The following PRKCB variants were observed in gnomAD, a reference collection of about 807,000 sequenced individuals.
PRKCB encodes protein kinase C beta type.
PRKCB carries 13 observed loss-of-function variants against 81.5 expected under a neutral mutation model. The observed-to-expected ratio is 0.16, with a 90% CI of 0.10 to 0.25. The LOEUF (loss-of-function observed/expected upper bound fraction) is 0.25, where lower values mean the gene tolerates loss of function less well. PRKCB is among the 10% of genes least tolerant of loss of function. The probability of loss-of-function intolerance (pLI) is 1.00; values close to 1 mark genes in which losing one functional copy is unlikely to be tolerated. For synonymous variants in PRKCB, 335 were observed against 321.4 expected, an observed-to-expected ratio of 1.04 and a Z score of -0.45; for missense variants, 509 against 875.7, an observed-to-expected ratio of 0.58 and a Z score of 5.29.
chr16:24,183,705 A>T (rs1436893745), intron 13 of PRKCB, among the ~76,000 whole-genome samples: 1 of 152,244 alleles, frequency 6.6e-6, no homozygotes, highest in East Asian at 1.9e-4. Flanking sequence ...TAGAGATTAT[A>T]GAAGTTAAGT....
At chr16:24,009,602 TA>T (rs898834103) in intron 3 of PRKCB, among the ~76,000 whole-genome samples, 16 of 150,966 alleles carry the variant, frequency 1.1e-4, no homozygotes, top group African/African-American at 3.7e-4. Context: ...TTTTTTTTTT[TA>T]AAAAAGACAA....
intron 9 of PRKCB, among the ~76,000 whole-genome samples, chr16:24,140,740 T>C (rs1438762026): frequency 2.0e-5 from 3 of 152,304 alleles, no homozygotes; most frequent in South Asian, 2.1e-4. Context: ...GTGGGAGTAA[T>C]TGGGAAAGTT....
At chr16:23,845,516 C>T (rs1962352684) in intron 2 of PRKCB, among the ~76,000 whole-genome samples, 1 of 152,134 alleles carries the variant, frequency 6.6e-6, no homozygotes, top group Non-Finnish European at 1.5e-5. Context: ...GGCAGTGGCT[C>T]ATGTCTGTAA....
chr16:23,912,419 G>A (rs1470360230), intron 2 of PRKCB, among the ~76,000 whole-genome samples: 7 of 151,174 alleles, frequency 4.6e-5, no homozygotes, highest in Admixed American at 2.6e-4. Context: ...GGTCAGCCCC[G>A]TGTCCTGATG....
At chr16:23,953,886 A>C (rs1964314527) in intron 2 of PRKCB, among the ~76,000 whole-genome samples, 1 of 23,724 alleles carries the variant, frequency 4.2e-5, no homozygotes, top group African/African-American at 1.8e-4. Context: ...GAAGGCATCC[A>C]TCTTTTTTTT....
At chr16:24,087,302 C>G (rs1485534737) in intron 5 of PRKCB, among the ~76,000 whole-genome samples, 1 of 152,272 alleles carries the variant, frequency 6.6e-6, no homozygotes, top group Non-Finnish European at 1.5e-5. Flanking sequence ...CTTTTTTCAA[C>G]GTGCTTCATC....
intron 5 of PRKCB, among the ~76,000 whole-genome samples, chr16:24,084,797 C>A (rs1387669456): frequency 6.6e-6 from 1 of 152,106 alleles, no homozygotes; most frequent in Non-Finnish European, 1.5e-5. Context: ...GAATTGAAAT[C>A]TTGAAATTGC....
intron 5 of PRKCB, among the ~76,000 whole-genome samples, chr16:24,036,143 A>T (rs1237462753): frequency 6.6e-6 from 1 of 151,948 alleles, no homozygotes; most frequent in Non-Finnish European, 1.5e-5. Context: ...CATGTCTAAA[A>T]TATTTCATGA....
intron 12 of PRKCB, among the ~76,000 whole-genome samples, 186 bp from the exon 13 acceptor site, chr16:24,180,604 G>C (rs1221641250): frequency 6.6e-6 from 1 of 152,152 alleles, no homozygotes; most frequent in African/African-American, 2.4e-5. Context: ...GAAAAGCACG[G>C]AGGCTTGCGG....
intron 2 of PRKCB, among the ~76,000 whole-genome samples, chr16:23,900,557 T>C (rs193264218): frequency 6.6e-6 from 1 of 152,214 alleles, no homozygotes; most frequent in East Asian, 1.9e-4. Flanking sequence ...TCCTATATAT[T>C]AGTAGAGAGA....
chr16:24,182,394 C>A (rs147110801), intron 13 of PRKCB, among the ~76,000 whole-genome samples: 189 of 152,124 alleles, frequency 1.2e-3, no homozygotes, highest in African/African-American at 4.4e-3. Context: ...ACTAGGTCAC[C>A]CCTGCTGTCC....
intron 5 of PRKCB, among the ~76,000 whole-genome samples, chr16:24,040,066 T>C (rs1965680585): frequency 6.6e-6 from 1 of 152,216 alleles, no homozygotes; most frequent in African/African-American, 2.4e-5. Flanking sequence ...CTGAGTGTCA[T>C]ATGTTCTTTG....
At chr16:24,000,503 T>C (rs995185841) in intron 3 of PRKCB, among the ~76,000 whole-genome samples, 6 of 152,258 alleles carry the variant, frequency 3.9e-5, no homozygotes, top group Admixed American at 1.3e-4. Context: ...GACTTCTCTA[T>C]GCCCTAGTCT....
chr16:23,972,224 T>C (rs955910129), intron 2 of PRKCB, among the ~76,000 whole-genome samples: 2 of 152,178 alleles, frequency 1.3e-5, no homozygotes, highest in African/African-American at 2.4e-5. Flanking sequence ...ATCTATATAG[T>C]AACAGAAAGT....
chr16:24,118,726 G>T (rs1326615064), intron 8 of PRKCB, among the ~76,000 whole-genome samples: 1 of 152,172 alleles, frequency 6.6e-6, no homozygotes, highest in Admixed American at 6.5e-5. Context: ...ACATGAAAAG[G>T]CAACCATTAG....
At chr16:23,938,273 A>C (rs1964089182) in intron 2 of PRKCB, among the ~76,000 whole-genome samples, 1 of 152,232 alleles carries the variant, frequency 6.6e-6, no homozygotes, top group Non-Finnish European at 1.5e-5. Flanking sequence ...ATTCTCAGTC[A>C]AACTGTCACT....
At chr16:24,085,463 C>T (rs1284418555) in intron 5 of PRKCB, among the ~76,000 whole-genome samples, 1 of 152,160 alleles carries the variant, frequency 6.6e-6, no homozygotes, top group Admixed American at 6.5e-5. Context: ...GAGCCTCTGC[C>T]ATGTGCCTTA....
intron 3 of PRKCB, among the ~76,000 whole-genome samples, chr16:24,027,965 T>C (rs1379310426): frequency 2.6e-5 from 4 of 152,166 alleles, no homozygotes; most frequent in Non-Finnish European, 4.4e-5. Context: ...AGACAGGGTC[T>C]CACTGTGTTG....
At chr16:23,853,085 C>G (rs1962500835) in intron 2 of PRKCB, among the ~76,000 whole-genome samples, 1 of 152,170 alleles carries the variant, frequency 6.6e-6, no homozygotes, top group Non-Finnish European at 1.5e-5. Context: ...ACAAGGAAGC[C>G]AGGGCATTCT....
Sources: allele counts gnomAD v4.1 joint callset (sites outside exome capture counted in the v4.1 genomes callset), GRCh38; gene constraint gnomAD v4.1.1; transcripts MANE v1.5; gene names NCBI Gene and HGNC (gene_info 2026-07-23, HGNC 2026-07-21).